The following NEBL variants were observed in gnomAD, a reference collection of about 807,000 sequenced individuals.
NEBL encodes the protein LIM and SH3 protein 2.
Under a neutral mutation model 140.2 loss-of-function variants are expected in NEBL, and 122 were observed. The observed-to-expected ratio is 0.87, with a 90% CI of 0.75 to 1.01. The LOEUF is 1.01. Ranked by LOEUF, NEBL falls within the 50% of genes least tolerant of loss-of-function variation. The pLI is 0.00. For synonymous variants in NEBL, 436 were observed against 398.9 expected (o/e 1.09, Z -1.11); for missense variants, 1,365 against 1,231.3 (o/e 1.11, Z -1.62).
upstream of NEBL, chr10:20,897,345 C>A: frequency 6.8e-7 from 1 of 1,469,000 alleles, no homozygotes; most frequent in South Asian, 1.5e-5. Flanking sequence ...ATTTAGCCCA[C>A]ACTTCACTCC....
Position 21,173,246 on chromosome 10 carries a change from G to C in NEBL, c.69+519C>G, listed in dbSNP as rs1441196847. 6.6e-6 allele frequency among the ~76,000 whole-genome samples: 1 copy of C among 152,224 alleles called. No homozygotes were observed. Among genetic ancestry groups the C allele is most frequent in the Non-Finnish European group, 1.5e-5 (1 of 68,046 alleles). On this transcript the variant is annotated intron_variant, in intron 1 of 6. Transcript: ENST00000417816. This position sits in a 1 kb window ranked among gnomAD's most constrained non-coding sequence, Gnocchi z 5.7. Reference sequence around the variant, plus strand: ...GTCCGGCTTGCCGCGCTGAGCCGGAGCTCTCCAGCAGGGATTATTCTTAGC... The same window carrying C: ...GTCCGGCTTGCCGCGCTGAGCCGGACCTCTCCAGCAGGGATTATTCTTAGC...
intron 2 of NEBL, among the ~76,000 whole-genome samples, chr10:21,098,297 A>T (rs1336817259): frequency 6.6e-6 from 1 of 152,162 alleles, no homozygotes; most frequent in Admixed American, 6.5e-5. Flanking sequence ...AAATGAAAGG[A>T]GACATTTTCA....
At chr10:21,263,170 GTATTTACCCAT>G (rs1842761082) in intron 1 of NEBL, among the ~76,000 whole-genome samples, 1 of 152,116 alleles carries the variant, frequency 6.6e-6, no homozygotes, top group South Asian at 2.1e-4. Flanking sequence ...CTTAGCGTAG[GTATTTACCCAT>G]TTAATCCTCA....
At chr10:21,093,252 T>G (rs1375813750) in intron 2 of NEBL, among the ~76,000 whole-genome samples, 2 of 149,456 alleles carry the variant, frequency 1.3e-5, no homozygotes, top group African/African-American at 4.9e-5. Flanking sequence ...AGAGGATAAG[T>G]ATTTGGGAAA....
intron 2 of NEBL, among the ~76,000 whole-genome samples, chr10:21,062,488 C>T (rs1835348792): frequency 6.6e-6 from 1 of 151,524 alleles, no homozygotes. Flanking sequence ...TAGAGAAACC[C>T]TGTCTCTACA....
At chr10:21,179,039 G>A (rs1191337291), upstream of NEBL, among the ~76,000 whole-genome samples, 5 of 152,190 alleles carry the variant, frequency 3.3e-5, no homozygotes, top group Admixed American at 1.3e-4. Context: ...ATGTTGAGAC[G>A]AAGAGATTAT....
chr10:20,984,108 C>A (rs1837158736), intron 3 of NEBL, among the ~76,000 whole-genome samples: 1 of 122,326 alleles, frequency 8.2e-6, no homozygotes. Flanking sequence ...TCCAAAAATC[C>A]AACAGAAAAT....
intron 3 of NEBL, among the ~76,000 whole-genome samples, chr10:21,216,786 A>G (rs1400751394): frequency 6.6e-6 from 1 of 151,216 alleles, no homozygotes; most frequent in Non-Finnish European, 1.5e-5. Context: ...AAAAAAAAGA[A>G]AAAGAAAAAA....
intron 9 of NEBL, among the ~76,000 whole-genome samples, chr10:20,855,227 T>TAAA (rs751211791): frequency 6.2e-5 from 8 of 129,516 alleles, no homozygotes; most frequent in East Asian, 4.4e-4. Context: ...GAGTCCGTCT[T>TAAA]AAAAAAAAAA....
In NEBL at chr10:21,255,344, T is replaced by G. The variant is rs904335479; in HGVS notation, n.183-3516A>C. On this transcript the variant is annotated intron_variant and non_coding_transcript_variant, in intron 1 of 8. Coordinates refer to the NEBL transcript ENST00000675702. ...GAGAGGAGGAGTCAGTACAAGCAGATAGGCTGAGAGATGCTGACTCGGGTA... is the reference window on the plus strand; with the variant it reads ...GAGAGGAGGAGTCAGTACAAGCAGAGAGGCTGAGAGATGCTGACTCGGGTA... 5.3e-5 allele frequency among the ~76,000 whole-genome samples: 8 copies of G among 152,094 alleles called. 1 individual carries two copies. Among genetic ancestry groups the G allele is most frequent in the Admixed American group, 4.6e-4 (7 of 15,278 alleles).
intron 3 of NEBL, among the ~76,000 whole-genome samples, chr10:21,224,547 T>A (rs7098528): frequency 0.28 from 42,013 of 152,116 alleles, 10,407 homozygotes; most frequent in African/African-American, 0.67. Flanking sequence ...GTTTCTGTGA[T>A]GAATGTCAAT....
At chr10:21,016,163 G>T (rs1191868373) in intron 3 of NEBL, among the ~76,000 whole-genome samples, 1 of 152,230 alleles carries the variant, frequency 6.6e-6, no homozygotes, top group Non-Finnish European at 1.5e-5. Context: ...ACTATAAAAG[G>T]GCTTTCCTTC....
rs147160117 is a variant in NEBL, at chr10:21,122,002, GGTTGTTGTTGTTGTT to G, written c.164+50366_164+50380del. Among the ~76,000 whole-genome samples the G allele has an allele frequency of 4.7e-4, 71 of 149,554 alleles. 1 individual carries two copies. Among genetic ancestry groups the G allele is most frequent in the African/African-American group, 1.6e-3 (66 of 40,564 alleles). On this transcript the variant is annotated intron_variant, in intron 2 of 6. Transcript: ENST00000417816. ...GCCAAGGAATGTGGGGATTTCTCCT[GGTTGTTGTTGTTGTT>G]GTTGTTGTTGTTGTTGTTGTTGTTT...
chr10:20,859,672 C>T (rs199870607), intron 8 of NEBL, 41 bp downstream of exon 8: 2 of 1,321,620 alleles, frequency 1.5e-6, no homozygotes, highest in Admixed American at 3.5e-5. Context: ...AAACAAGAAT[C>T]AAAAGATTTT....
intron 2 of NEBL, among the ~76,000 whole-genome samples, chr10:21,042,257 A>T (rs1834306330): frequency 6.6e-6 from 1 of 152,070 alleles, no homozygotes; most frequent in African/African-American, 2.4e-5. Flanking sequence ...TCACTTTGGG[A>T]CTGAGGAACG....
At chr10:21,102,716 G>C (rs1037356730) in intron 2 of NEBL, among the ~76,000 whole-genome samples, 1 of 152,164 alleles carries the variant, frequency 6.6e-6, no homozygotes, top group Non-Finnish European at 1.5e-5. Flanking sequence ...CCATGTACCT[G>C]TTGGAATTCT....
chr10:21,048,821 C>A (rs879699801), intron 2 of NEBL, among the ~76,000 whole-genome samples: 4 of 152,058 alleles, frequency 2.6e-5, no homozygotes, highest in Non-Finnish European at 5.9e-5. Context: ...CATGGTGAAA[C>A]CCTGTCTCTA....
chr10:20,861,247 AGCTCACT>A (rs1342588099), intron 7 of NEBL, among the ~76,000 whole-genome samples: 1 of 152,092 alleles, frequency 6.6e-6, no homozygotes, highest in Non-Finnish European at 1.5e-5. Flanking sequence ...GCACGATCTC[AGCTCACT>A]GCAAGCTCCA....
At chr10:21,234,013 A>AGATG (rs1053899610) in intron 3 of NEBL, among the ~76,000 whole-genome samples, 1 of 118,900 alleles carries the variant, frequency 8.4e-6, no homozygotes. Flanking sequence ...ATTGTGAGAT[A>AGATG]GATAGATAGA....
Sources: gnomAD v4.1 joint callset for allele counts (sites outside exome capture counted in the v4.1 genomes callset) on GRCh38, gnomAD v4.1.1 for gene constraint, Gnocchi (gnomAD v3.1) non-coding constraint, MANE v1.5 for transcripts, NCBI Gene and HGNC (gene_info 2026-07-23, HGNC 2026-07-21) for gene names.